Variants in MSRB3 observed in about 807,000 individuals in gnomAD.
The protein encoded by MSRB3 is methionine sulfoxide reductase B3, also known as methionine-R-sulfoxide reductase B3.
In MSRB3, 13 loss-of-function variants were observed where a neutral mutation model predicts 21.0. The ratio of observed to expected loss-of-function variants is 0.62; its 90% confidence interval spans 0.40 to 0.98. The LOEUF is 0.98. Ranked by LOEUF, MSRB3 falls within the 50% of genes least tolerant of loss-of-function variation. The pLI is 0.00. For synonymous variants in MSRB3, 87 were observed against 88.6 expected (o/e 0.98, Z 0.10); for missense variants, 199 against 230.3 (o/e 0.86, Z 0.88).
At chr12:65,349,636 G>T (rs1176108217) in intron 4 of MSRB3, among the ~76,000 whole-genome samples, 1 of 147,334 alleles carries the variant, frequency 6.8e-6, no homozygotes, top group East Asian at 1.9e-4. Flanking sequence ...TTGTGGTTTT[G>T]ATTTGCATTT....
intron 1 of MSRB3, among the ~76,000 whole-genome samples, chr12:65,306,629 G>A (rs1047195892): frequency 6.6e-6 from 1 of 152,160 alleles, no homozygotes; most frequent in African/African-American, 2.4e-5. Context: ...TGCTCTAAAA[G>A]TAGTCATTTT....
chr12:65,354,102 G>A (rs1044546118), intron 4 of MSRB3, among the ~76,000 whole-genome samples: 1 of 152,052 alleles, frequency 6.6e-6, no homozygotes, highest in Non-Finnish European at 1.5e-5. Flanking sequence ...TCAGCTGTTA[G>A]TCTGATGGGC....
intron 5 of MSRB3, among the ~76,000 whole-genome samples, chr12:65,395,251 G>A (rs12306536): frequency 0.047 from 7,218 of 152,102 alleles, 570 homozygotes; most frequent in African/African-American, 0.17. Context: ...CGGATTACTC[G>A]AGGTCAGGAG....
At chr12:65,398,586 T>C (rs1879944353) in intron 5 of MSRB3, among the ~76,000 whole-genome samples, 1 of 152,226 alleles carries the variant, frequency 6.6e-6, no homozygotes, top group South Asian at 2.1e-4. Context: ...TGGTTTCTTT[T>C]ACTGTGCACA....
chr12:65,301,107 GACACAC>G (rs941361737), intron 1 of MSRB3, among the ~76,000 whole-genome samples: 2 of 151,990 alleles, frequency 1.3e-5, no homozygotes, highest in East Asian at 3.9e-4. Context: ...CACACACACA[GACACAC>G]ACATACACAT....
chr12:65,400,758 A>G (rs550979493), intron 5 of MSRB3, among the ~76,000 whole-genome samples: 1 of 152,254 alleles, frequency 6.6e-6, no homozygotes, highest in East Asian at 1.9e-4. Flanking sequence ...AGTGCTATAA[A>G]TTTCCGTCTA....
chr12:65,347,672 A>G (rs950013482), intron 4 of MSRB3, among the ~76,000 whole-genome samples: 9 of 152,208 alleles, frequency 5.9e-5, no homozygotes, highest in Non-Finnish European at 1.0e-4. Context: ...CCAGTTTTCA[A>G]AGGGAATGCT....
At chr12:65,351,290 A>ATTCTGGTACACAT (rs1876969592) in intron 4 of MSRB3, among the ~76,000 whole-genome samples, 4 of 149,748 alleles carry the variant, frequency 2.7e-5, no homozygotes, top group African/African-American at 1.0e-4. Context: ...ACATACCAGA[A>ATTCTGGTACACAT]TCTCTGGGAC....
At chr12:65,440,546 A>G (rs1262321112) in intron 5 of MSRB3, among the ~76,000 whole-genome samples, 1 of 151,894 alleles carries the variant, frequency 6.6e-6, no homozygotes, top group Non-Finnish European at 1.5e-5. Flanking sequence ...AGACTTTTGT[A>G]ATTTTTTAAA....
In MSRB3 at chr12:65,289,352, G is replaced by A. The variant is rs368706932; in HGVS notation, c.-52+10487G>A. On this transcript the variant is annotated intron_variant, in intron 1 of 6. Coordinates refer to ENST00000308259, the MANE Select transcript of MSRB3 (RefSeq NM_001031679.3). ...TCTACTAAAAATACAAAAGTTAGCC[G>A]GCATGGTGGCACGTGCCTGTAGTCC... 8.5e-5 allele frequency among the ~76,000 whole-genome samples: 13 copies of A among 152,202 alleles called. No homozygotes were observed. The East Asian group carries it at 1.9e-3, about 23-fold the overall frequency.
chr12:65,335,385 T>C (rs1875696891), intron 4 of MSRB3, among the ~76,000 whole-genome samples: 1 of 152,318 alleles, frequency 6.6e-6, no homozygotes, highest in Admixed American at 6.5e-5. Flanking sequence ...GCTGCAAGAC[T>C]GTTCACACAT....
intron 5 of MSRB3, among the ~76,000 whole-genome samples, chr12:65,389,215 ATTCT>A (rs1308961437): frequency 6.6e-6 from 1 of 152,068 alleles, no homozygotes; most frequent in African/African-American, 2.4e-5. Context: ...CCTATGCATG[ATTCT>A]TTCTTACTAT....
intron 5 of MSRB3, among the ~76,000 whole-genome samples, chr12:65,439,285 A>G (rs1882262798): frequency 6.6e-6 from 1 of 151,780 alleles, no homozygotes; most frequent in Non-Finnish European, 1.5e-5. Context: ...AAATATATGA[A>G]TAAGAATCTT....
chr12:65,459,585 G>A (rs1883233243), intron 6 of MSRB3, among the ~76,000 whole-genome samples: 1 of 152,184 alleles, frequency 6.6e-6, no homozygotes, highest in Non-Finnish European at 1.5e-5. Flanking sequence ...TACTGGCAAA[G>A]TAAATTGCTT....
At chr12:65,306,044 A>G (rs1319908827) in intron 1 of MSRB3, among the ~76,000 whole-genome samples, 1 of 152,212 alleles carries the variant, frequency 6.6e-6, no homozygotes, top group Admixed American at 6.5e-5. Flanking sequence ...GAGGAAACTG[A>G]GGCCCCGAGA....
At chr12:65,427,193 A>C (rs1881642305) in intron 5 of MSRB3, among the ~76,000 whole-genome samples, 1 of 152,082 alleles carries the variant, frequency 6.6e-6, no homozygotes, top group Non-Finnish European at 1.5e-5. Context: ...TTTGCTGTGG[A>C]AAGTCCTTCT....
At chr12:65,399,558 T>G (rs1409229416) in intron 5 of MSRB3, among the ~76,000 whole-genome samples, 1 of 152,196 alleles carries the variant, frequency 6.6e-6, no homozygotes, top group African/African-American at 2.4e-5. Context: ...ACAGAGACAA[T>G]TTGACTTTCT....
intron 4 of MSRB3, among the ~76,000 whole-genome samples, chr12:65,332,790 T>C (rs572072483): frequency 7.2e-5 from 11 of 152,206 alleles, no homozygotes; most frequent in Non-Finnish European, 1.6e-4. Flanking sequence ...GCTATTCAAT[T>C]ATTCTCATTT....
At chr12:65,462,360 T>A (rs1883367637) in intron 6 of MSRB3, among the ~76,000 whole-genome samples, 1 of 152,160 alleles carries the variant, frequency 6.6e-6, no homozygotes, top group Non-Finnish European at 1.5e-5. Flanking sequence ...TGGAGAAACT[T>A]TCTCTGGGCT....
Sources: allele counts gnomAD v4.1 joint callset (sites outside exome capture counted in the v4.1 genomes callset), GRCh38; gene constraint gnomAD v4.1.1; transcripts MANE v1.5; gene names NCBI Gene and HGNC (gene_info 2026-07-23, HGNC 2026-07-21).